SCAPER: variants seen among roughly 807,000 people sequenced by gnomAD.
SCAPER encodes S phase cyclin A-associated protein in the endoplasmic reticulum.
SCAPER carries 98 observed loss-of-function variants against 182.2 expected under a neutral mutation model. The ratio of observed to expected loss-of-function variants is 0.54; its 90% CI spans 0.46 to 0.64. The LOEUF (loss-of-function observed/expected upper bound fraction) is 0.64, where lower values mean the gene tolerates loss of function less well. Among genes scored for constraint, SCAPER ranks in the 30% least tolerant of loss-of-function variants. The probability of loss-of-function intolerance (pLI) is 0.00; values close to 1 mark genes in which losing one functional copy is unlikely to be tolerated. For missense variants in SCAPER, 1,432 were observed against 1,690.0 expected, an observed-to-expected ratio of 0.85 and a Z score of 2.68; for synonymous variants, 605 against 564.6, an observed-to-expected ratio of 1.07 and a Z score of -1.01.
At chr15:76,538,798 C>A (rs2044451182) in intron 23 of SCAPER, among the ~76,000 whole-genome samples, 1 of 151,860 alleles carries the variant, frequency 6.6e-6, no homozygotes, top group South Asian at 2.1e-4. Flanking sequence ...AGAAATGGAA[C>A]CTGGCAAATT....
chr15:76,747,063 G>A (rs921323730), intron 15 of SCAPER, among the ~76,000 whole-genome samples: 3 of 152,174 alleles, frequency 2.0e-5, no homozygotes, highest in Non-Finnish European at 4.4e-5. Context: ...TGTTTGGTGG[G>A]GACAGGGATA....
chr15:76,551,175 A>T (rs1184000805), intron 23 of SCAPER, among the ~76,000 whole-genome samples: 3 of 152,204 alleles, frequency 2.0e-5, no homozygotes, highest in Non-Finnish European at 1.5e-5. Flanking sequence ...CTAAAAATAG[A>T]ACTACTGTAT....
intron 22 of SCAPER, among the ~76,000 whole-genome samples, chr15:76,583,359 A>G (rs181950010): frequency 4.3e-4 from 66 of 152,024 alleles, no homozygotes; most frequent in African/African-American, 1.5e-3. Context: ...TCAAAAAAAA[A>G]AAAAAAAAAC....
At chr15:76,368,689 G>C (rs898552570) in intron 29 of SCAPER, among the ~76,000 whole-genome samples, 3 of 152,150 alleles carry the variant, frequency 2.0e-5, no homozygotes, top group Non-Finnish European at 4.4e-5. Context: ...TTCCTTTCAG[G>C]GATCACAAGA....
intron 23 of SCAPER, among the ~76,000 whole-genome samples, chr15:76,549,535 G>A (rs2144909780): frequency 6.6e-6 from 1 of 152,264 alleles, no homozygotes; most frequent in East Asian, 1.9e-4. Context: ...CTCATAGGTG[G>A]GAACTGAACA....
intron 24 of SCAPER, among the ~76,000 whole-genome samples, chr15:76,502,501 T>C (rs1258943948): frequency 2.7e-5 from 4 of 150,316 alleles, no homozygotes; most frequent in African/African-American, 9.8e-5. Context: ...ATGATCTCAC[T>C]CATAGGTGGG....
intron 5 of SCAPER, among the ~76,000 whole-genome samples, chr15:76,818,430 G>T (rs1164671705): frequency 6.6e-6 from 1 of 152,120 alleles, no homozygotes; most frequent in Non-Finnish European, 1.5e-5. Context: ...CACAGTCCAT[G>T]AATGAAAAAA....
chr15:76,555,598 A>G (rs1331182272), intron 23 of SCAPER, among the ~76,000 whole-genome samples: 1 of 152,220 alleles, frequency 6.6e-6, no homozygotes, highest in African/African-American at 2.4e-5. Flanking sequence ...TTCTAATTTC[A>G]GACAAAGCAG....
intron 20 of SCAPER, among the ~76,000 whole-genome samples, chr15:76,694,470 T>A (rs2058546512): frequency 6.6e-6 from 1 of 152,150 alleles, no homozygotes; most frequent in South Asian, 2.1e-4. Flanking sequence ...ATCATTATGT[T>A]GTGTACATTG....
chr15:76,639,889 TTACTTGTA>T (rs1851869428), intron 21 of SCAPER, among the ~76,000 whole-genome samples: 1 of 152,180 alleles, frequency 6.6e-6, no homozygotes. Context: ...GTGTTAATTG[TTACTTGTA>T]TACTTGTATT....
In SCAPER at chr15:76,605,035, C is replaced by T. The variant is rs574881091; in HGVS notation, c.2711+16729G>A. Among the ~76,000 whole-genome samples the T allele has an allele frequency of 1.7e-3, 255 of 152,244 alleles. 2 individuals are homozygous for T. The highest frequency in any genetic ancestry group is 0.014 in the Middle Eastern group (4 of 294). ...CCATTTCCTTCTCCTGCCTGATTGC[C>T]CTGGCCAGAATTTCCAACACTATGT... On this transcript the variant is annotated intron_variant, in intron 22 of 31. Coordinates refer to ENST00000563290, the MANE Select transcript of SCAPER (RefSeq NM_020843.4).
chr15:76,765,617 C>CCTCATATCCATTAAT lies in SCAPER; in HGVS notation c.1440_1441insATTAATGGATATGAG (p.Ser480_Val481insIleAsnGlyTyrGlu). 1 of 1,583,692 alleles carries CCTCATATCCATTAAT rather than the reference C, an allele frequency of 6.3e-7. No homozygotes were observed. The highest frequency in any genetic ancestry group is 1.8e-5 in the Admixed American group (1 of 55,232). On this transcript the variant is annotated inframe_insertion, in exon 12 of 32. Coordinates refer to ENST00000563290, the MANE Select transcript of SCAPER (RefSeq NM_020843.4). ...TCCATGGACATACCACAGAAAGAAA[C>CCTCATATCCATTAAT]ACTCCCACTGCCCATGCTGGCCTAA...
chr15:76,675,732 C>G (rs2057330396), intron 20 of SCAPER, among the ~76,000 whole-genome samples: 1 of 152,148 alleles, frequency 6.6e-6, no homozygotes, highest in South Asian at 2.1e-4. Flanking sequence ...TCTTGCTACT[C>G]TAGGTCCAGA....
intron 1 of SCAPER, among the ~76,000 whole-genome samples, chr15:76,890,203 C>A (rs1328415210): frequency 6.6e-6 from 1 of 152,112 alleles, no homozygotes; most frequent in Admixed American, 6.5e-5. Flanking sequence ...TAAATGCCCA[C>A]AAGAGAAAGC....
intron 27 of SCAPER, among the ~76,000 whole-genome samples, chr15:76,390,375 C>G (rs953373914): frequency 2.0e-5 from 3 of 152,070 alleles, no homozygotes; most frequent in Non-Finnish European, 4.4e-5. Context: ...AAGAGCAAGA[C>G]CAGAGGACAC....
intron 20 of SCAPER, among the ~76,000 whole-genome samples, chr15:76,696,216 G>C (rs944638136): frequency 1.1e-4 from 16 of 152,180 alleles, no homozygotes; most frequent in Non-Finnish European, 1.9e-4. Context: ...CTCAATGCCA[G>C]GCGCACCCTG....
chr15:76,720,203 G>C (rs2060135381), intron 17 of SCAPER, among the ~76,000 whole-genome samples: 1 of 151,414 alleles, frequency 6.6e-6, no homozygotes, highest in Non-Finnish European at 1.5e-5. Context: ...CCTTGCGATA[G>C]TTTGCTGAGA....
intron 22 of SCAPER, among the ~76,000 whole-genome samples, chr15:76,609,494 G>T (rs1597665422): frequency 6.6e-6 from 1 of 152,042 alleles, no homozygotes; most frequent in African/African-American, 2.4e-5. Context: ...ATTAAAAGGT[G>T]TCACTTAAAA....
intron 2 of SCAPER, among the ~76,000 whole-genome samples, chr15:76,883,106 C>A (rs2073662048): frequency 6.6e-6 from 1 of 152,160 alleles, no homozygotes; most frequent in Non-Finnish European, 1.5e-5. Context: ...GACTCACAAA[C>A]TAAACTTAGG....
Sources: gnomAD v4.1 joint callset for allele counts (sites outside exome capture counted in the v4.1 genomes callset) on GRCh38, gnomAD v4.1.1 for gene constraint, MANE v1.5 for transcripts, NCBI Gene and HGNC (gene_info 2026-07-23, HGNC 2026-07-21) for gene names.